Variants in HPSE2 observed in about 807,000 individuals in gnomAD.
The protein encoded by HPSE2 is heparanase 2 (inactive), also known as inactive heparanase-2.
In HPSE2, 38 loss-of-function variants were observed where a neutral mutation model predicts 60.5. That is an observed-to-expected ratio of 0.63 (90% CI 0.48 to 0.82). HPSE2 has a LOEUF of 0.82. HPSE2 is among the 40% of genes least tolerant of loss of function. The pLI, the probability that HPSE2 is intolerant of heterozygous loss-of-function variation, is 0.00. For missense variants in HPSE2, 713 were observed against 740.4 expected (o/e 0.96, Z 0.43); for synonymous variants, 295 against 293.2 (o/e 1.01, Z -0.06).
chr10:98,894,662 T>C (rs1469326109), intron 3 of HPSE2, among the ~76,000 whole-genome samples: 1 of 152,050 alleles, frequency 6.6e-6, no homozygotes, highest in Non-Finnish European at 1.5e-5. Flanking sequence ...AGGTTCAACA[T>C]ATGTCCAAAC....
At chr10:98,981,160 T>C (rs1178981597) in intron 3 of HPSE2, among the ~76,000 whole-genome samples, 1 of 152,206 alleles carries the variant, frequency 6.6e-6, no homozygotes, top group East Asian at 1.9e-4. Context: ...TACACTTATA[T>C]AACCAGGTTT....
At chr10:99,197,068 C>A in intron 2 of HPSE2, among the ~76,000 whole-genome samples, 1 of 152,098 alleles carries the variant, frequency 6.6e-6, no homozygotes, top group East Asian at 1.9e-4. Flanking sequence ...CAGTCCTTTG[C>A]AACACCATGG....
intron 3 of HPSE2, among the ~76,000 whole-genome samples, chr10:98,917,947 T>C (rs1035469030): frequency 6.6e-6 from 1 of 152,188 alleles, no homozygotes; most frequent in Non-Finnish European, 1.5e-5. Flanking sequence ...GTACAGGTTA[T>C]ACAGAAATTA....
At chr10:98,987,404 T>G (rs531514423) in intron 3 of HPSE2, among the ~76,000 whole-genome samples, 1 of 152,310 alleles carries the variant, frequency 6.6e-6, no homozygotes, top group South Asian at 2.1e-4. Context: ...ACCACATGAT[T>G]ATCTCAATAG....
At chr10:99,285,096 A>C in the HPSE2 span, among the ~76,000 whole-genome samples, 1 of 151,998 alleles carries the variant, frequency 6.6e-6, no homozygotes, top group Admixed American at 6.6e-5. Context: ...GGGACAACCC[A>C]ATTTTTTAAA....
chr10:99,028,095 C>A (rs1321224244), intron 3 of HPSE2, among the ~76,000 whole-genome samples: 1 of 152,096 alleles, frequency 6.6e-6, no homozygotes, highest in Non-Finnish European at 1.5e-5. Context: ...TGGAACATGA[C>A]AATGATAACC....
chr10:98,500,233 T>C (rs544887964), intron 9 of HPSE2, among the ~76,000 whole-genome samples: 3 of 152,226 alleles, frequency 2.0e-5, no homozygotes, highest in Middle Eastern at 3.4e-3. Context: ...TTCTACTCAA[T>C]AGTTCATGGA....
intron 6 of HPSE2, among the ~76,000 whole-genome samples, chr10:98,653,424 T>TA (rs397794893): frequency 1.3e-5 from 2 of 151,908 alleles, no homozygotes; most frequent in African/African-American, 4.8e-5. Context: ...GTTTTTTTTT[T>TA]AATCTCTTCT....
intron 3 of HPSE2, among the ~76,000 whole-genome samples, chr10:98,854,942 C>A (rs1314731874): frequency 6.6e-6 from 1 of 152,042 alleles, no homozygotes; most frequent in Non-Finnish European, 1.5e-5. Context: ...GAGTTTTGAC[C>A]TTTACTTAGG....
chr10:99,023,560 G>C (rs538849674), intron 3 of HPSE2, among the ~76,000 whole-genome samples: 1 of 152,144 alleles, frequency 6.6e-6, no homozygotes, highest in Non-Finnish European at 1.5e-5. Flanking sequence ...TGCTATGCTG[G>C]CTTCAGGACT....
chr10:99,235,849 G>A lies in HPSE2; in HGVS notation c.-47C>T. 3.3e-6 allele frequency: 5 copies of A among 1,536,598 alleles called. No individual in the cohort carries two copies. Among genetic ancestry groups the A allele is most frequent in the Non-Finnish European group, 4.5e-6 (5 of 1,111,956 alleles). ...TCTCTTCCTACTGGGTCTCGCTAGT[G>A]ACTAATTGTCCTTATCTAAAGTGTG... On this transcript the variant is annotated 5_prime_UTR_variant, in exon 1 of 12. Coordinates refer to ENST00000370552, the MANE Select transcript of HPSE2 (RefSeq NM_021828.5).
chr10:99,040,972 A>G (rs1358605863), intron 3 of HPSE2, among the ~76,000 whole-genome samples: 1 of 151,978 alleles, frequency 6.6e-6, no homozygotes, highest in Non-Finnish European at 1.5e-5. Flanking sequence ...CTATAGTCCC[A>G]GCTACTCCGG....
intron 6 of HPSE2, among the ~76,000 whole-genome samples, chr10:98,667,168 A>G (rs1374229681): frequency 6.6e-6 from 1 of 152,200 alleles, no homozygotes; most frequent in East Asian, 1.9e-4. Flanking sequence ...CACAAAGTAG[A>G]CAATCTAGAG....
chr10:99,144,078 C>T (rs1316140871), intron 3 of HPSE2, among the ~76,000 whole-genome samples, 160 bp downstream of exon 3: 1 of 152,144 alleles, frequency 6.6e-6, no homozygotes, highest in Non-Finnish European at 1.5e-5. Flanking sequence ...TAACTTCAAA[C>T]CAAAATATAT....
chr10:98,912,074 A>G (rs1261179536), intron 3 of HPSE2, among the ~76,000 whole-genome samples: 2 of 152,218 alleles, frequency 1.3e-5, no homozygotes, highest in African/African-American at 2.4e-5. Context: ...TTGGTAGTAG[A>G]GTGGCATTGA....
At chr10:98,590,617 C>G (rs1945064379) in intron 9 of HPSE2, among the ~76,000 whole-genome samples, 1 of 152,186 alleles carries the variant, frequency 6.6e-6, no homozygotes, top group African/African-American at 2.4e-5. Context: ...ATAAGCATTT[C>G]TCCAGTACAG....
chr10:99,180,508 C>G (rs1368115282), intron 2 of HPSE2, among the ~76,000 whole-genome samples: 3 of 152,216 alleles, frequency 2.0e-5, no homozygotes, highest in South Asian at 2.1e-4. Context: ...AAAAAAAGCT[C>G]CTATCACTGG....
intron 5 of HPSE2, among the ~76,000 whole-genome samples, chr10:98,716,915 G>A (rs1038505856): frequency 1.3e-5 from 2 of 152,014 alleles, no homozygotes; most frequent in African/African-American, 2.4e-5. Context: ...CATTTATAGA[G>A]TACAGGTGGA....
rs905915357 is a variant in HPSE2 at position 98,629,001 on chromosome 10, A to C, written c.1099-8293T>G. 2.6e-5 allele frequency among the ~76,000 whole-genome samples: 4 copies of C among 152,308 alleles called. No homozygotes were observed. In the East Asian group the frequency reaches 7.7e-4, roughly 29 times the overall value. On this transcript the variant is annotated intron_variant, in intron 7 of 11. Transcript: ENST00000370552. ...GGCTTCCTTTTCCTGTGTTTCCTTGATATCCTGCCTCTAAAACTGTGATCT... is the reference window on the plus strand; with the variant it reads ...GGCTTCCTTTTCCTGTGTTTCCTTGCTATCCTGCCTCTAAAACTGTGATCT...
Sources: allele counts gnomAD v4.1 joint callset (sites outside exome capture counted in the v4.1 genomes callset), GRCh38; gene constraint gnomAD v4.1.1; transcripts MANE v1.5; gene names NCBI Gene and HGNC (gene_info 2026-07-23, HGNC 2026-07-21).